The following LLGL2 variants were observed in gnomAD, a reference collection of about 807,000 sequenced individuals.
LLGL2 encodes LLGL2, scribble cell polarity complex component.
LLGL2 carries 81 observed loss-of-function variants against 123.2 expected under a neutral mutation model. The observed-to-expected ratio is 0.66, with a 90% confidence interval of 0.55 to 0.79. The LOEUF (loss-of-function observed/expected upper bound fraction) is 0.79. LLGL2 is among the 30% of genes least tolerant of loss of function. LLGL2 has a pLI of 0.00. For missense variants in LLGL2, 1,273 were observed against 1,414.6 expected, an observed-to-expected ratio of 0.90 and a Z score of 1.61; for synonymous variants, 577 against 594.1, an observed-to-expected ratio of 0.97 and a Z score of 0.42.
intron 17 of LLGL2, 148 bp from the exon 18 acceptor site, chr17:75,571,519 T>C (rs369269336): frequency 1.5e-6 from 1 of 646,192 alleles, no homozygotes. Context: ...TGACCTGGGA[T>C]TGGGGTCTTC....
chr17:75,529,882 T>A (rs1426565102), intron 1 of LLGL2, among the ~76,000 whole-genome samples: 3 of 152,080 alleles, frequency 2.0e-5, no homozygotes, highest in African/African-American at 7.2e-5. Flanking sequence ...ATAATAATTT[T>A]TAAAAAAAGA....
intron 1 of LLGL2, among the ~76,000 whole-genome samples, chr17:75,531,831 A>T (rs761400190): frequency 2.9e-4 from 44 of 151,616 alleles, no homozygotes; most frequent in Non-Finnish European, 5.6e-4. Flanking sequence ...TTGAATACTC[A>T]CCCCTCTCTT....
At chr17:75,568,241 G>GA in intron 10 of LLGL2, 2 of 1,416,282 alleles carry the variant, frequency 1.4e-6, no homozygotes, top group Non-Finnish European at 1.8e-6. Context: ...CTTCCAGCCA[G>GA]GTGTATCCCC....
At position 75,574,644 on chromosome 17, in the gene LLGL2, G is replaced by C. The variant is rs1056770683; in HGVS notation, c.3031G>C (p.Gly1011Arg). The change falls in exon 25 of 26, where the codon GGG becomes CGG. Residue 1011 changes from glycine to arginine, a missense_variant. Coordinates refer to ENST00000392550, the MANE Select transcript of LLGL2 (RefSeq NM_001031803.2). ...CTGGCGTTCACATCGAGCCGCCGTG[G>C]GGTGCAGCCTCAGCAATGGCGGAGG... ...GNWRSHRAAVGCSLSNGGAE is the reference protein window; with the variant it reads ...GNWRSHRAAVRCSLSNGGAE 6.2e-7 allele frequency: 1 copy of C among 1,612,286 alleles called. No homozygotes were observed. Among genetic ancestry groups the C allele is most frequent in the Non-Finnish European group, 8.5e-7 (1 of 1,179,650 alleles).
At chr17:75,557,126 G>A (rs992175133) in intron 3 of LLGL2, among the ~76,000 whole-genome samples, 5 of 142,404 alleles carry the variant, frequency 3.5e-5, no homozygotes, top group Non-Finnish European at 6.0e-5. Flanking sequence ...CAACTCTCTC[G>A]CCTTGGCCTC....
chr17:75,558,413 C>G lies in LLGL2; in HGVS notation c.256-99C>G. ...GGCTCATGGGCCACCCTGGGAGTGG[C>G]CAGGGGGTCTTTTAAACAACTGGGG... is the stretch of plus-strand genomic sequence containing the variant. On this transcript the variant is annotated intron_variant, in intron 4 of 25. Transcript: ENST00000392550. The surrounding 1 kb of genome is among the most constrained non-coding windows in gnomAD (Gnocchi z 4.0). The G allele has an allele frequency of 8.3e-7, 1 of 1,198,610 alleles. No individual in the cohort carries two copies. Among genetic ancestry groups the G allele is most frequent in the South Asian group, 1.4e-5 (1 of 70,892 alleles). The allele number at this position is 1,198,610 out of a possible 1,614,324, so 74.2% of individuals were successfully genotyped here.
At chr17:75,569,154 C>T in intron 13 of LLGL2, 23 bp downstream of exon 13, 1 of 1,612,974 alleles carries the variant, frequency 6.2e-7, no homozygotes, top group South Asian at 1.1e-5. Flanking sequence ...GCCTGGGACC[C>T]AGGAAGGGCA....
rs370274464 is a variant in LLGL2 at position 75,573,979 on chromosome 17, G to A, written c.2904G>A (p.Glu968=). 1.4e-5 allele frequency: 21 copies of A among 1,550,872 alleles called. No individual in the cohort carries two copies. In the African/African-American group the frequency reaches 2.7e-4, roughly 20 times the overall value. ...ACTCAGGGACTCAGAGTGATGGCGA[G>A]GGTAAGACAGGCCTCCTGGGCTCAT... ...ARNSGTQSDG[E]EKQPGLVMER... Residue 968 remains glutamate (E), a splice_region_variant and synonymous_variant, in exon 22 of 26, where the codon GAG becomes GAA. Coordinates refer to ENST00000392550, the MANE Select transcript of LLGL2 (RefSeq NM_001031803.2).
chr17:75,555,595 C>T (rs114364914), intron 2 of LLGL2, among the ~76,000 whole-genome samples: 115 of 152,164 alleles, frequency 7.6e-4, no homozygotes, highest in African/African-American at 2.6e-3. Context: ...AGGGCCTCCG[C>T]GGTACTCTAG....
chr17:75,565,084 G>C (rs955530844), intron 10 of LLGL2, among the ~76,000 whole-genome samples: 2 of 152,290 alleles, frequency 1.3e-5, no homozygotes, highest in South Asian at 2.1e-4. Context: ...TAGCCCACAG[G>C]GGGCTGATCT....
In LLGL2 at chr17:75,539,762, C is replaced by A. The variant is rs2054140621; in HGVS notation, c.-30-3635C>A. Among the ~76,000 whole-genome samples, 12 of 151,972 alleles carry A rather than the reference C, an allele frequency of 7.9e-5. No homozygotes were observed. The South Asian group carries it at 2.5e-3, about 32-fold the overall frequency. ...AGCTGAAACTACAGGAGCACACTAC[C>A]AGACTCAGTTAATTTTTGTATTTTT... On this transcript the variant is annotated intron_variant, in intron 1 of 25. Transcript: ENST00000392550.
chr17:75,538,503 C>T lies in LLGL2; in HGVS notation c.-30-4894C>T, dbSNP rs1017924897. On this transcript the variant is annotated intron_variant, in intron 1 of 25. Transcript: ENST00000392550. The stretch of plus-strand genomic sequence containing the variant: ...CAGTCAGTCTCAGTGGAGACCTCGC[C>T]TCCTCTGTTCATTCATTCATTCAAC... 4 of 152,178 alleles carry T rather than the reference C, an allele frequency of 2.6e-5. No individual in the cohort carries two copies. In the East Asian group the frequency reaches 7.7e-4, roughly 29 times the overall value. 9.4% of individuals were successfully genotyped at this position (152,178 alleles called of 1,614,324 possible). A position where few individuals can be genotyped will look rare whatever the true frequency, so the allele number is the denominator to read the frequency against.
intron 3 of LLGL2, among the ~76,000 whole-genome samples, chr17:75,556,761 A>T (rs1453583244): frequency 6.6e-6 from 1 of 152,150 alleles, no homozygotes; most frequent in Non-Finnish European, 1.5e-5. Flanking sequence ...TTTTTAATTT[A>T]AAAAAATTTT....
intron 1 of LLGL2, among the ~76,000 whole-genome samples, chr17:75,528,973 A>C (rs1355082641): frequency 1.3e-5 from 2 of 151,842 alleles, no homozygotes; most frequent in Non-Finnish European, 1.5e-5. Context: ...CCTTGCCCAC[A>C]CAGTGAAACC....
chr17:75,528,628 C>T (rs1225593272), intron 1 of LLGL2, among the ~76,000 whole-genome samples: 1 of 151,994 alleles, frequency 6.6e-6, no homozygotes, highest in Non-Finnish European at 1.5e-5. Flanking sequence ...ATCCCAGCTA[C>T]TCAGGAGGCT....
At position 75,570,193 on chromosome 17, in the gene LLGL2, C is replaced by T. The variant is rs766813614; in HGVS notation, c.1812C>T (p.Ala604=). 2 of 1,589,296 alleles carry T rather than the reference C, an allele frequency of 1.3e-6. No individual in the cohort carries two copies. Among genetic ancestry groups the T allele is most frequent in the Non-Finnish European group, 8.5e-7 (1 of 1,170,494 alleles). The change falls in exon 15 of 26, where the codon GCC becomes GCT. Residue 604 remains alanine, a synonymous_variant. Transcript: ENST00000392550. Reference sequence around the variant, plus strand: ...TGCACTCTGAGTGGCGGCTCGTGGCCTTCGGCACCAGCCATGGCTTTGGCC... The same window carrying T: ...TGCACTCTGAGTGGCGGCTCGTGGCTTTCGGCACCAGCCATGGCTTTGGCC... ...LALHSEWRLV[A]FGTSHGFGLF...
chr17:75,569,852 G>T (rs1568071755), intron 14 of LLGL2, 111 bp from the exon 15 acceptor site: 13 of 1,106,394 alleles, frequency 1.2e-5, no homozygotes, highest in Admixed American at 5.2e-5. Flanking sequence ...AGAGGCCTTT[G>T]TCCTTCCTTG....
intron 6 of LLGL2, among the ~76,000 whole-genome samples, chr17:75,562,100 T>C (rs186553085): frequency 8.8e-4 from 134 of 151,478 alleles, no homozygotes; most frequent in African/African-American, 3.0e-3. Flanking sequence ...ATCCTTGCTG[T>C]TGGCTGTTGG....
intron 19 of LLGL2, 72 bp from the exon 20 acceptor site, chr17:75,572,942 G>A: frequency 7.2e-6 from 11 of 1,518,410 alleles, no homozygotes; most frequent in Non-Finnish European, 9.7e-6. Context: ...GGAGGGGAGG[G>A]CCCAGCAGCA....
Sources: allele counts gnomAD v4.1 joint callset (sites outside exome capture counted in the v4.1 genomes callset), GRCh38; gene constraint gnomAD v4.1.1; non-coding constraint Gnocchi (gnomAD v3.1); transcripts MANE v1.5; gene names NCBI Gene and HGNC (gene_info 2026-07-23, HGNC 2026-07-21).